Variants in CREB3L3 observed in about 807,000 individuals in gnomAD.
CREB3L3 encodes cAMP responsive element binding protein 3 like 3, also known as cyclic AMP-responsive element-binding protein 3-like protein 3.
In CREB3L3, 40 loss-of-function variants were observed where a neutral mutation model predicts 44.6. The observed-to-expected ratio is 0.90, with a 90% CI of 0.70 to 1.17. The LOEUF (loss-of-function observed/expected upper bound fraction) is 1.17, where lower values mean the gene tolerates loss of function less well. CREB3L3 is among the 50% of genes most tolerant of loss of function. The pLI, the probability that CREB3L3 is intolerant of heterozygous loss-of-function variation, is 0.00. For synonymous variants in CREB3L3, 273 were observed against 256.3 expected (o/e 1.06, Z -0.62); for missense variants, 578 against 595.8 (o/e 0.97, Z 0.31).
At chr19:4,163,014 A>G (rs1401307466) in intron 4 of CREB3L3, among the ~76,000 whole-genome samples, 1 of 151,744 alleles carries the variant, frequency 6.6e-6, no homozygotes, top group Non-Finnish European at 1.5e-5. Flanking sequence ...AAAAGAAGAA[A>G]GCTGTCAAAA....
chr19:4,158,188 A>G (rs1193758047), intron 3 of CREB3L3, among the ~76,000 whole-genome samples: 1 of 151,932 alleles, frequency 6.6e-6, no homozygotes, highest in Non-Finnish European at 1.5e-5. Context: ...TCTTGGTCCC[A>G]TTGGAGAGTT....
rs1967007672 is a variant in CREB3L3 at position 4,170,025 on chromosome 19, C to A, written c.822-115C>A. 3.1e-6 allele frequency: 3 copies of A among 979,872 alleles called. No individual in the cohort carries two copies. The East Asian group carries it at 7.2e-5, about 24-fold the overall frequency. 60.7% of individuals were successfully genotyped at this position (979,872 alleles called of 1,614,324 possible). On this transcript the variant is annotated intron_variant, in intron 6 of 9. Transcript: ENST00000078445. ...CGAGTAACCTTGGATGAATGACTTC[C>A]CCTCTCTGGCCTTGGGTTCTCTTGG... is the stretch of plus-strand genomic sequence containing the variant.
At chr19:4,156,766 TG>T (rs1215421045) in intron 2 of CREB3L3, among the ~76,000 whole-genome samples, 1 of 152,020 alleles carries the variant, frequency 6.6e-6, no homozygotes, top group Non-Finnish European at 1.5e-5. Flanking sequence ...CCTCCCAAAG[TG>T]CTGGGATTAC....
intron 6 of CREB3L3, 31 bp downstream of exon 6, chr19:4,168,488 C>T (rs751877593): frequency 1.2e-5 from 19 of 1,535,330 alleles, no homozygotes; most frequent in Admixed American, 1.1e-4. Context: ...ACTCTACACT[C>T]GTGGAGGAAA....
intron 2 of CREB3L3, among the ~76,000 whole-genome samples, chr19:4,156,304 C>T (rs2145118495): frequency 6.6e-6 from 1 of 151,924 alleles, no homozygotes; most frequent in African/African-American, 2.4e-5. Context: ...TCTCCTGCCT[C>T]AGCTTCCCGA....
In CREB3L3 at chr19:4,153,676, C is replaced by T; in HGVS notation, c.-72C>T. ...TGAGCTTGCCCGGCCCCAGGTAACGCTGGCGGTGGGTGGGCCTCCAGCTTG... is the reference window on the plus strand; with the variant it reads ...TGAGCTTGCCCGGCCCCAGGTAACGTTGGCGGTGGGTGGGCCTCCAGCTTG... On this transcript the variant is annotated 5_prime_UTR_variant, in exon 1 of 10. Coordinates refer to ENST00000078445, the MANE Select transcript of CREB3L3 (RefSeq NM_032607.3). 6.3e-7 allele frequency: 1 copy of T among 1,593,130 alleles called. No individual in the cohort carries two copies. Among genetic ancestry groups the T allele is most frequent in the Non-Finnish European group, 8.6e-7 (1 of 1,163,082 alleles).
chr19:4,160,171 C>T lies in CREB3L3; in HGVS notation c.576+389C>T, dbSNP rs577430897. Reference sequence around the variant, plus strand: ...ATTAGCCTGGCATGGTGGCACATGCCTGTGGTCCCAGCTACTCGGGAGGCT... The same window carrying T: ...ATTAGCCTGGCATGGTGGCACATGCTTGTGGTCCCAGCTACTCGGGAGGCT... On this transcript the variant is annotated intron_variant, in intron 4 of 9. Transcript: ENST00000078445. Among the ~76,000 whole-genome samples, 434 of 151,666 alleles carry T rather than the reference C, an allele frequency of 2.9e-3. 2 individuals are homozygous for T. The highest frequency in any genetic ancestry group is 9.7e-3 in the African/African-American group (402 of 41,410).
intron 1 of CREB3L3, among the ~76,000 whole-genome samples, chr19:4,154,235 C>G (rs1468675079): frequency 3.3e-5 from 5 of 151,970 alleles, no homozygotes; most frequent in Admixed American, 3.3e-4. Flanking sequence ...CCACGCCCGG[C>G]TAATTTTTGT....
In CREB3L3 at chr19:4,160,053, T is replaced by C. The variant is rs372340516; in HGVS notation, c.576+271T>C. 6.6e-5 allele frequency among the ~76,000 whole-genome samples: 10 copies of C among 152,144 alleles called. No individual in the cohort carries two copies. The South Asian group carries it at 1.5e-3, about 22-fold the overall frequency. On this transcript the variant is annotated intron_variant, in intron 4 of 9. Coordinates refer to ENST00000078445, the MANE Select transcript of CREB3L3 (RefSeq NM_032607.3). ...GTTCACACCTGTAATCCCAGCACTT[T>C]GGGAGGCCAAGGCAGGCAGATCGCT...
chr19:4,154,507 C>T (rs1038445466), intron 1 of CREB3L3, among the ~76,000 whole-genome samples: 6 of 152,034 alleles, frequency 3.9e-5, no homozygotes, highest in East Asian at 1.9e-4. Flanking sequence ...GTAGCTGGGA[C>T]GACAAGTGTG....
At position 4,155,009 on chromosome 19, in the gene CREB3L3, G is replaced by A. The variant is rs912378886; in HGVS notation, c.138G>A (p.Trp46Ter). ...ILRHVELGEG[W>*]GHVKDQQVLP... The stretch of plus-strand genomic sequence containing the variant: ...GACACGTGGAGCTGGGCGAGGGCTG[G>A]GGTCACGTCAAGGACCAGGTGAGGA... The change falls in exon 2 of 10, where the codon TGG becomes TGA. Residue 46 changes from tryptophan to a stop codon, truncating the protein, a stop_gained. Coordinates refer to ENST00000078445, the MANE Select transcript of CREB3L3 (RefSeq NM_032607.3). LOFTEE classifies it high-confidence loss of function. 17 of 1,609,470 alleles carry A rather than the reference G, an allele frequency of 1.1e-5. No homozygotes were observed. The highest frequency in any genetic ancestry group is 1.4e-5 in the Non-Finnish European group (16 of 1,180,000).
intron 2 of CREB3L3, among the ~76,000 whole-genome samples, chr19:4,155,685 T>C (rs947671583): frequency 6.7e-6 from 1 of 150,304 alleles, no homozygotes; most frequent in African/African-American, 2.4e-5. Context: ...CTTTTCTCTC[T>C]CTTTTTCTCT....
chr19:4,166,106 T>A (rs1555703751), intron 5 of CREB3L3, among the ~76,000 whole-genome samples: 2 of 151,558 alleles, frequency 1.3e-5, no homozygotes, highest in Non-Finnish European at 2.9e-5. Context: ...TTTTTTCTAT[T>A]GAGACAGGTT....
In CREB3L3 at chr19:4,172,026, G is replaced by A; in HGVS notation, c.*57G>A. Reference sequence around the variant, plus strand: ...TGCCCAGGGGTGCCTTGGGGATGCTGCACTGGGCAGCTACCCACCTGGGGA... The same window carrying A: ...TGCCCAGGGGTGCCTTGGGGATGCTACACTGGGCAGCTACCCACCTGGGGA... On this transcript the variant is annotated 3_prime_UTR_variant, in exon 10 of 10. Coordinates refer to ENST00000078445, the MANE Select transcript of CREB3L3 (RefSeq NM_032607.3). 6.8e-7 allele frequency: 1 copy of A among 1,476,776 alleles called. No individual in the cohort carries two copies. Among genetic ancestry groups the A allele is most frequent in the Non-Finnish European group, 9.0e-7 (1 of 1,105,062 alleles). The allele number at this position is 1,476,776 out of a possible 1,614,324, so 91.5% of individuals were successfully genotyped here.
chr19:4,167,399 A>G (rs1006847367), intron 5 of CREB3L3, among the ~76,000 whole-genome samples: 41 of 151,016 alleles, frequency 2.7e-4, no homozygotes, highest in African/African-American at 9.2e-4. Flanking sequence ...AAAAGAAAGA[A>G]AGAAAGAAAG....
At chr19:4,163,684 T>G (rs2145130988) in intron 4 of CREB3L3, among the ~76,000 whole-genome samples, 1 of 151,722 alleles carries the variant, frequency 6.6e-6, no homozygotes, top group East Asian at 1.9e-4. Flanking sequence ...GGCTGATTTT[T>G]GTATTTTTAA....
Position 4,172,038 on chromosome 19 carries a change from TACCCAC to T in CREB3L3, c.*70_*75del. The T allele has an allele frequency of 3.5e-6, 5 of 1,435,362 alleles. No individual in the cohort carries two copies. In the East Asian group the frequency reaches 1.2e-4, roughly 36 times the overall value. The allele number at this position is 1,435,362 out of a possible 1,614,324, so 88.9% of individuals were successfully genotyped here. On this transcript the variant is annotated 3_prime_UTR_variant, in exon 10 of 10. Transcript: ENST00000078445. Reference sequence around the variant, plus strand: ...CCTTGGGGATGCTGCACTGGGCAGCTACCCACCTGGGGATGGGACGTGAGGCCAAGA... The same window carrying T: ...CCTTGGGGATGCTGCACTGGGCAGCTCTGGGGATGGGACGTGAGGCCAAGA...
At chr19:4,164,889 A>C (rs144502102) in intron 5 of CREB3L3, among the ~76,000 whole-genome samples, 1 of 151,310 alleles carries the variant, frequency 6.6e-6, no homozygotes, top group Non-Finnish European at 1.5e-5. Flanking sequence ...TTGTATCTTT[A>C]GTAGAGACAG....
intron 5 of CREB3L3, among the ~76,000 whole-genome samples, chr19:4,167,592 TAAGA>T: frequency 2.0e-5 from 3 of 151,472 alleles, no homozygotes; most frequent in Admixed American, 2.0e-4. Context: ...GAAAGAAACG[TAAGA>T]AAGAAGAAAA....
Sources: allele counts gnomAD v4.1 joint callset (sites outside exome capture counted in the v4.1 genomes callset), GRCh38; gene constraint gnomAD v4.1.1; transcripts MANE v1.5; gene names NCBI Gene and HGNC (gene_info 2026-07-23, HGNC 2026-07-21).